Variants in NUDT7 observed in about 807,000 individuals in gnomAD.
The protein encoded by NUDT7 is peroxisomal coenzyme A diphosphatase NUDT7.
A neutral mutation model predicts 13.1 loss-of-function variants in NUDT7; 19 were observed. The ratio of observed to expected loss-of-function variants is 1.45; its 90% CI spans 1.01 to 2.13. The LOEUF (loss-of-function observed/expected upper bound fraction) is 2.13. Among genes scored for constraint, NUDT7 ranks in the 30% most tolerant of loss-of-function variants. NUDT7 has a pLI of 0.00. For synonymous variants in NUDT7, 132 were observed against 109.7 expected (o/e 1.20, Z -1.27); for missense variants, 360 against 291.7 (o/e 1.23, Z -1.71).
intron 2 of NUDT7, among the ~76,000 whole-genome samples, chr16:77,733,772 G>T (rs905937007): frequency 3.1e-4 from 47 of 152,288 alleles, no homozygotes; most frequent in African/African-American, 1.1e-3. Flanking sequence ...CACACAGTTG[G>T]AAAGAGGCAG....
chr16:77,726,659 T>A (rs2014146316), intron 2 of NUDT7, among the ~76,000 whole-genome samples: 1 of 152,046 alleles, frequency 6.6e-6, no homozygotes, highest in Admixed American at 6.6e-5. Context: ...TAGCCAGGCA[T>A]GGTGGCACAC....
In NUDT7 at chr16:77,725,509, C is replaced by A. The variant is rs2014104060; in HGVS notation, c.114C>A (p.Asn38Lys). The A allele has an allele frequency of 1.9e-6, 3 of 1,613,866 alleles. No individual in the cohort carries two copies. Among genetic ancestry groups the A allele is most frequent in the Admixed American group, 1.7e-5 (1 of 59,988 alleles). ...GCAAATATTCTCACTTGCCATATAA[C>A]AAATACTCCGTCCTTTTGCCATTGG... ...IGGKYSHLPY[N>K]KYSVLLPLVA... Residue 38 changes from asparagine (N) to lysine (K), a missense_variant, in exon 2 of 4, where the codon AAC (asparagine) becomes AAA (lysine). Physicochemically the swap from Asn to Lys is moderately conservative, Grantham distance 94. Coordinates refer to ENST00000268533, the MANE Select transcript of NUDT7 (RefSeq NM_001105663.3).
At chr16:77,732,709 C>T (rs2014355983) in intron 2 of NUDT7, among the ~76,000 whole-genome samples, 1 of 152,198 alleles carries the variant, frequency 6.6e-6, no homozygotes, top group African/African-American at 2.4e-5. Context: ...CAGGTTTGTG[C>T]AAGTGCACCC....
At chr16:77,732,148 C>T (rs769391078) in intron 2 of NUDT7, among the ~76,000 whole-genome samples, 4 of 151,790 alleles carry the variant, frequency 2.6e-5, no homozygotes, top group Admixed American at 1.3e-4. Flanking sequence ...GCCAACATGG[C>T]CAAACCTCAT....
chr16:77,739,454 A>G (rs2966037), intron 3 of NUDT7, among the ~76,000 whole-genome samples: 142,319 of 152,250 alleles, frequency 0.93, 67,054 homozygotes, highest in South Asian at 0.99. Flanking sequence ...TCATGGCACT[A>G]GTGGGAGTAT....
chr16:77,733,932 C>T (rs2014397063), intron 2 of NUDT7, among the ~76,000 whole-genome samples: 1 of 152,230 alleles, frequency 6.6e-6, no homozygotes, highest in Admixed American at 6.5e-5. Context: ...AGGGTTTGTG[C>T]CTCTCCACTT....
intron 2 of NUDT7, among the ~76,000 whole-genome samples, chr16:77,731,596 A>G (rs1471490446): frequency 1.3e-5 from 2 of 152,228 alleles, no homozygotes; most frequent in African/African-American, 4.8e-5. Flanking sequence ...TTACTACACT[A>G]TTCTTTTAAA....
At chr16:77,732,769 G>A (rs1343192199) in intron 2 of NUDT7, among the ~76,000 whole-genome samples, 2 of 152,058 alleles carry the variant, frequency 1.3e-5, no homozygotes, top group East Asian at 3.9e-4. Context: ...TTCAGAACGT[G>A]TCCCTGTTGT....
chr16:77,734,778 A>C (rs1340529723), intron 2 of NUDT7, among the ~76,000 whole-genome samples: 1 of 152,234 alleles, frequency 6.6e-6, no homozygotes, highest in Non-Finnish European at 1.5e-5. Flanking sequence ...TGTGAAGGGA[A>C]AAATGCCAGA....
chr16:77,726,093 C>G (rs971566944), intron 2 of NUDT7, among the ~76,000 whole-genome samples: 3 of 152,166 alleles, frequency 2.0e-5, no homozygotes, highest in Admixed American at 6.5e-5. Flanking sequence ...ACTATCCCAC[C>G]CCCAGTATAA....
intron 2 of NUDT7, among the ~76,000 whole-genome samples, chr16:77,728,460 C>T (rs1026334115): frequency 2.6e-5 from 4 of 152,144 alleles, no homozygotes; most frequent in African/African-American, 9.7e-5. Flanking sequence ...TGATCTTGAC[C>T]TCCTGATCTC....
At chr16:77,733,712 T>C (rs1360003302) in intron 2 of NUDT7, among the ~76,000 whole-genome samples, 1 of 152,162 alleles carries the variant, frequency 6.6e-6, no homozygotes, top group African/African-American at 2.4e-5. Context: ...TCCATCCTCA[T>C]GGAACAATCT....
intron 2 of NUDT7, among the ~76,000 whole-genome samples, chr16:77,731,339 GATGGACC>G (rs10556357): frequency 0.096 from 14,631 of 152,078 alleles, 803 homozygotes; most frequent in African/African-American, 0.15. Context: ...TTCCATCAAT[GATGGACC>G]ATGGACCATA....
chr16:77,737,712 C>T (rs1357381946), intron 3 of NUDT7, among the ~76,000 whole-genome samples: 4 of 152,150 alleles, frequency 2.6e-5, no homozygotes, highest in Non-Finnish European at 4.4e-5. Flanking sequence ...GTCTCGATCT[C>T]CTGACCTCAT....
In NUDT7 at chr16:77,722,558, C is replaced by A; in HGVS notation, c.-25C>A. The A allele has an allele frequency of 1.3e-6, 2 of 1,576,504 alleles. No individual in the cohort carries two copies. Among genetic ancestry groups the A allele is most frequent in the Admixed American group, 1.8e-5 (1 of 55,532 alleles). On this transcript the variant is annotated 5_prime_UTR_variant, in exon 1 of 4. Transcript: ENST00000268533. ...GACCGAGCAGCTCCGAGGAGTCCGC[C>A]CGGAAACAAACATTCCCCAGGGCAA...
intron 3 of NUDT7, among the ~76,000 whole-genome samples, chr16:77,736,990 A>G (rs1449717625): frequency 6.6e-6 from 1 of 152,122 alleles, no homozygotes; most frequent in African/African-American, 2.4e-5. Context: ...TAGTTTCCAT[A>G]TGACCACATG....
At chr16:77,736,317 G>A (rs1356839607) in intron 3 of NUDT7, 1 of 204,442 alleles carries the variant, frequency 4.9e-6, no homozygotes, top group African/African-American at 2.3e-5. Context: ...CATTGGTTTT[G>A]AGAGTTCAGT....
At chr16:77,727,467 CA>C (rs1251631439) in intron 2 of NUDT7, among the ~76,000 whole-genome samples, 1 of 152,162 alleles carries the variant, frequency 6.6e-6, no homozygotes, top group Non-Finnish European at 1.5e-5. Flanking sequence ...ATCCAGGTTC[CA>C]GGGGGAAATA....
chr16:77,734,133 C>CA (rs113608959), intron 2 of NUDT7, among the ~76,000 whole-genome samples: 15,372 of 152,122 alleles, frequency 0.1, 856 homozygotes, highest in African/African-American at 0.16. Flanking sequence ...GATGCCAACA[C>CA]AATGCTAATA....
Sources: gnomAD v4.1 joint callset for allele counts (sites outside exome capture counted in the v4.1 genomes callset) on GRCh38, gnomAD v4.1.1 for gene constraint, MANE v1.5 for transcripts, NCBI Gene and HGNC (gene_info 2026-07-23, HGNC 2026-07-21) for gene names.